The following ADGRL3 variants were observed in gnomAD, a reference collection of about 807,000 sequenced individuals.
The protein encoded by ADGRL3 is adhesion G protein-coupled receptor L3, also known as calcium-independent alpha-latrotoxin receptor 3.
Under a neutral mutation model 153.5 loss-of-function variants are expected in ADGRL3, and 62 were observed. That is an observed-to-expected ratio of 0.40 (90% confidence interval 0.33 to 0.50). ADGRL3 has a LOEUF of 0.50. Among genes scored for constraint, ADGRL3 ranks in the 20% least tolerant of loss-of-function variants. The pLI is 0.47. For synonymous variants in ADGRL3, 710 were observed against 672.5 expected (o/e 1.06, Z -0.86); for missense variants, 1,641 against 1,859.4 (o/e 0.88, Z 2.16).
intron 2 of ADGRL3, among the ~76,000 whole-genome samples, chr4:61,440,191 G>C (rs1478980519): frequency 6.6e-6 from 1 of 152,052 alleles, no homozygotes; most frequent in Non-Finnish European, 1.5e-5. Flanking sequence ...TGGGATCACA[G>C]GCATGCGCCA....
intron 4 of ADGRL3, among the ~76,000 whole-genome samples, chr4:61,555,151 A>G (rs1282042002): frequency 1.3e-5 from 2 of 152,154 alleles, no homozygotes; most frequent in African/African-American, 4.8e-5. Context: ...GAAAAGAGGA[A>G]AGCAGAGAGA....
intron 1 of ADGRL3, among the ~76,000 whole-genome samples, chr4:61,318,444 C>A (rs982917323): frequency 6.6e-6 from 1 of 151,992 alleles, no homozygotes; most frequent in African/African-American, 2.4e-5. Flanking sequence ...ATCTGCCTTG[C>A]CTTTATCTCA....
intron 19 of ADGRL3, among the ~76,000 whole-genome samples, chr4:61,994,770 CAT>C (rs559159979): frequency 1.3e-5 from 2 of 151,670 alleles, no homozygotes; most frequent in South Asian, 4.2e-4. Context: ...CATTAAATAA[CAT>C]ATATATATCC....
At chr4:61,592,507 T>G (rs539829296) in intron 5 of ADGRL3, among the ~76,000 whole-genome samples, 1 of 152,148 alleles carries the variant, frequency 6.6e-6, no homozygotes, top group Non-Finnish European at 1.5e-5. Context: ...TCTTAAGGAT[T>G]ACTGTCTGTG....
At chr4:61,580,225 C>G (rs1392964717) in intron 4 of ADGRL3, among the ~76,000 whole-genome samples, 1 of 152,044 alleles carries the variant, frequency 6.6e-6, no homozygotes, top group Non-Finnish European at 1.5e-5. Flanking sequence ...ACTACTTCCT[C>G]AGAGGAATCA....
At chr4:61,859,480 G>A (rs928064486) in intron 9 of ADGRL3, among the ~76,000 whole-genome samples, 9 of 152,148 alleles carry the variant, frequency 5.9e-5, no homozygotes, top group Non-Finnish European at 1.2e-4. Flanking sequence ...GTTGAAAAAT[G>A]ATTAGTTAAA....
At chr4:61,563,687 C>T (rs1417276686) in intron 4 of ADGRL3, among the ~76,000 whole-genome samples, 1 of 152,220 alleles carries the variant, frequency 6.6e-6, no homozygotes, top group African/African-American at 2.4e-5. Flanking sequence ...TCACCTCACA[C>T]TTTCATGCTA....
At chr4:61,744,399 C>G (rs774707257) in intron 8 of ADGRL3, among the ~76,000 whole-genome samples, 31 of 152,178 alleles carry the variant, frequency 2.0e-4, no homozygotes, top group Non-Finnish European at 3.7e-4. Flanking sequence ...TGAGAACGGG[C>G]AGACTGCCTC....
At chr4:61,940,084 C>G (rs1581558833) in intron 15 of ADGRL3, among the ~76,000 whole-genome samples, 1 of 110,348 alleles carries the variant, frequency 9.1e-6, no homozygotes, top group East Asian at 3.0e-4. Flanking sequence ...TCCCCCCTCC[C>G]CCGACCCCAC....
chr4:61,297,961 A>C (rs1045662878), intron 1 of ADGRL3, among the ~76,000 whole-genome samples: 2 of 152,068 alleles, frequency 1.3e-5, no homozygotes, highest in Admixed American at 6.6e-5. Context: ...ATTTTATTTT[A>C]TGTTTCCATC....
intron 6 of ADGRL3, among the ~76,000 whole-genome samples, chr4:61,700,419 A>C (rs1402082080): frequency 1.3e-5 from 2 of 152,178 alleles, no homozygotes; most frequent in African/African-American, 4.8e-5. Context: ...AGTTTAAAAG[A>C]AGACAAAAGT....
intron 2 of ADGRL3, among the ~76,000 whole-genome samples, chr4:61,490,936 T>C (rs1240779875): frequency 6.6e-6 from 1 of 152,186 alleles, no homozygotes; most frequent in Admixed American, 6.5e-5. Flanking sequence ...TCAGACATTG[T>C]AAATTATAGC....
intron 5 of ADGRL3, among the ~76,000 whole-genome samples, chr4:61,652,008 A>G (rs960954918): frequency 3.3e-5 from 5 of 152,118 alleles, no homozygotes; most frequent in African/African-American, 4.8e-5. Context: ...AAAATGAAGA[A>G]TTAGATTAAG....
chr4:61,351,674 C>T (rs2096054650), intron 1 of ADGRL3, among the ~76,000 whole-genome samples: 1 of 151,436 alleles, frequency 6.6e-6, no homozygotes, highest in Non-Finnish European at 1.5e-5. Flanking sequence ...ATAAATGGAA[C>T]AACAAAGCCT....
chr4:61,368,483 G>T (rs2096453194), intron 1 of ADGRL3, among the ~76,000 whole-genome samples: 1 of 152,066 alleles, frequency 6.6e-6, no homozygotes, highest in Non-Finnish European at 1.5e-5. Context: ...TATTAAATGG[G>T]GAATCCTTTC....
At chr4:61,765,823 G>T (rs927542301) in intron 8 of ADGRL3, among the ~76,000 whole-genome samples, 8 of 152,124 alleles carry the variant, frequency 5.3e-5, no homozygotes, top group Admixed American at 5.2e-4. Flanking sequence ...AGCTTGATGT[G>T]TAGGGAAGGG....
chr4:61,828,799 A>G (rs767776455), intron 9 of ADGRL3, among the ~76,000 whole-genome samples: 35 of 152,216 alleles, frequency 2.3e-4, no homozygotes, highest in Non-Finnish European at 3.2e-4. Context: ...ACACTCACGC[A>G]GTACTAATCT....
At chr4:61,809,597 C>T (rs1157259356) in intron 8 of ADGRL3, among the ~76,000 whole-genome samples, 3 of 152,116 alleles carry the variant, frequency 2.0e-5, no homozygotes, top group East Asian at 1.9e-4. Flanking sequence ...AGCTGCTCAT[C>T]GCACTCCAGA....
At chr4:61,715,741 C>T (rs1365824915) in intron 6 of ADGRL3, among the ~76,000 whole-genome samples, 1 of 151,982 alleles carries the variant, frequency 6.6e-6, no homozygotes, top group African/African-American at 2.4e-5. Context: ...TTTCTTTCCA[C>T]TCTATTGCCA....
Sources: gnomAD v4.1 joint callset for allele counts (sites outside exome capture counted in the v4.1 genomes callset) on GRCh38, gnomAD v4.1.1 for gene constraint, MANE v1.5 for transcripts, NCBI Gene and HGNC (gene_info 2026-07-23, HGNC 2026-07-21) for gene names.